CGGBP1: variants seen among roughly 807,000 people sequenced by gnomAD.
CGGBP1 encodes CGG triplet repeat-binding protein 1.
In CGGBP1, 4 loss-of-function variants were observed where a neutral mutation model predicts 11.4. That is an observed-to-expected ratio of 0.35 (90% confidence interval 0.17 to 0.80). CGGBP1 has a LOEUF of 0.80. CGGBP1 is among the 30% of genes least tolerant of loss of function. CGGBP1 has a pLI of 0.52. For synonymous variants in CGGBP1, 76 were observed against 74.1 expected, an observed-to-expected ratio of 1.03 and a Z score of -0.13; for missense variants, 135 against 202.1, an observed-to-expected ratio of 0.67 and a Z score of 2.01.
chr3:88,093,284 T>C (rs1235943303), intron 2 of CGGBP1, among the ~76,000 whole-genome samples: 2 of 152,188 alleles, frequency 1.3e-5, no homozygotes, highest in African/African-American at 2.4e-5. Flanking sequence ...TGAAACTAAG[T>C]GGACTTTCAG....
intron 2 of CGGBP1, among the ~76,000 whole-genome samples, chr3:88,067,473 G>A (rs1286550533): frequency 6.6e-6 from 1 of 152,152 alleles, no homozygotes; most frequent in Non-Finnish European, 1.5e-5. Flanking sequence ...GGGAGAGAAA[G>A]TAGACTAGGA....
In CGGBP1 at chr3:88,055,587, T is replaced by C. The variant is rs757885153; in HGVS notation, c.390A>G (p.Leu130=). ...KADHPAVRAF[L]SRHVKNGGSI... The stretch of plus-strand genomic sequence containing the variant: ...AGCCTCCATTCTTCACATGGCGAGA[T>C]AGGAAAGCACGGACTGCTGGGTGAT... The change falls in exon 4 of 4, where the codon CTA becomes CTG. Residue 130 remains leucine (L), a synonymous_variant. Coordinates refer to ENST00000482016, the MANE Select transcript of CGGBP1 (RefSeq NM_001008390.2). This position sits in a 1 kb window ranked among gnomAD's most constrained non-coding sequence, Gnocchi z 4.2. The C allele has an allele frequency of 7.4e-6, 12 of 1,612,374 alleles. No individual in the cohort carries two copies. The highest frequency in any genetic ancestry group is 2.7e-5 in the African/African-American group (2 of 74,876).
At chr3:88,119,346 G>A (rs1333310748) in intron 2 of CGGBP1, among the ~76,000 whole-genome samples, 3 of 123,212 alleles carry the variant, frequency 2.4e-5, no homozygotes, top group African/African-American at 6.2e-5. Flanking sequence ...GAGAACACAT[G>A]GACATAGGAA....
intron 2 of CGGBP1, among the ~76,000 whole-genome samples, chr3:88,124,943 C>T (rs1180121480): frequency 2.6e-5 from 4 of 152,054 alleles, no homozygotes; most frequent in African/African-American, 4.8e-5. Flanking sequence ...TGGCCAGACA[C>T]GGTGGCTCAC....
intron 1 of CGGBP1, among the ~76,000 whole-genome samples, chr3:88,148,026 C>T (rs1019559291): frequency 1.3e-5 from 2 of 152,200 alleles, no homozygotes; most frequent in Non-Finnish European, 2.9e-5. Context: ...CTTGCTCAAA[C>T]GGGCTCCAGT....
intron 1 of CGGBP1, 106 bp from the exon 2 acceptor site, chr3:88,058,329 A>AAAAT (rs1706623387): frequency 6.6e-6 from 1 of 152,276 alleles, no homozygotes; most frequent in African/African-American, 2.4e-5. Flanking sequence ...AGGTGTTTCT[A>AAAAT]AAATCACTTT....
intron 2 of CGGBP1, among the ~76,000 whole-genome samples, chr3:88,121,544 G>T (rs1320926223): frequency 6.6e-6 from 1 of 151,810 alleles, no homozygotes; most frequent in Non-Finnish European, 1.5e-5. Flanking sequence ...GAAAATACCA[G>T]GTAAATATTC....
chr3:88,091,500 T>G (rs1184573752), intron 2 of CGGBP1, among the ~76,000 whole-genome samples: 1 of 152,212 alleles, frequency 6.6e-6, no homozygotes, highest in Non-Finnish European at 1.5e-5. Flanking sequence ...AACTTTAGTG[T>G]TATGTGAAAA....
intron 2 of CGGBP1, among the ~76,000 whole-genome samples, chr3:88,101,492 T>G (rs554683372): frequency 3.9e-5 from 6 of 152,210 alleles, no homozygotes; most frequent in African/African-American, 7.2e-5. Flanking sequence ...AATAATGTTC[T>G]TGAGGTTTAC....
At chr3:88,097,343 T>A (rs1704123225) in intron 2 of CGGBP1, among the ~76,000 whole-genome samples, 1 of 152,014 alleles carries the variant, frequency 6.6e-6, no homozygotes, top group South Asian at 2.1e-4. Context: ...GAACCAGTTT[T>A]CTCACACCTT....
At chr3:88,112,057 G>T (rs1705123943) in intron 2 of CGGBP1, among the ~76,000 whole-genome samples, 1 of 151,806 alleles carries the variant, frequency 6.6e-6, no homozygotes, top group African/African-American at 2.4e-5. Context: ...ATATTTTTCA[G>T]TGTATCAGTT....
At chr3:88,076,737 C>A (rs144523534) in intron 2 of CGGBP1, among the ~76,000 whole-genome samples, 141 of 152,162 alleles carry the variant, frequency 9.3e-4, no homozygotes, top group Admixed American at 1.7e-3. Context: ...ATATTTATGA[C>A]GGAAGCATTT....
intron 2 of CGGBP1, among the ~76,000 whole-genome samples, chr3:88,077,506 G>A (rs1378873738): frequency 1.8e-5 from 1 of 55,202 alleles, no homozygotes; most frequent in Non-Finnish European, 5.5e-5. Context: ...CTAATTTTTT[G>A]TGATTTTTTT....
chr3:88,058,855 C>A lies in CGGBP1; in HGVS notation c.-371G>T. On this transcript the variant is annotated 5_prime_UTR_variant, in exon 1 of 4. Transcript: ENST00000482016. ...GCCGTTAGGGAAAGTGGACGAGGCC[C>A]GGCCGGAAAGGAAAAGAAAAGGAAG... 1 of 156,330 alleles carries A rather than the reference C, an allele frequency of 6.4e-6. No homozygotes were observed. The highest frequency in any genetic ancestry group is 1.4e-5 in the Non-Finnish European group (1 of 70,746). 9.7% of individuals were successfully genotyped at this position (156,330 alleles called of 1,614,324 possible). A position where few individuals can be genotyped will look rare whatever the true frequency, so the allele number is the denominator to read the frequency against.
At chr3:88,125,983 G>A (rs890778634) in intron 2 of CGGBP1, 29 of 720,048 alleles carry the variant, frequency 4.0e-5, no homozygotes, top group East Asian at 1.2e-4. Flanking sequence ...ATGGGGTTTC[G>A]ACACCCTACT....
chr3:88,104,892 A>C (rs1483816634), intron 2 of CGGBP1, among the ~76,000 whole-genome samples: 2 of 152,236 alleles, frequency 1.3e-5, no homozygotes, highest in Non-Finnish European at 2.9e-5. Context: ...TAATCCCAGC[A>C]CTTTGGAAGG....
chr3:88,070,563 GTTTTT>G (rs67079285), intron 2 of CGGBP1, among the ~76,000 whole-genome samples: 1 of 111,328 alleles, frequency 9.0e-6, no homozygotes, highest in African/African-American at 4.2e-5. Context: ...AACACTGCCT[GTTTTT>G]TTTTTTTTTT....
chr3:88,145,592 CAAGAT>C (rs1344791501), intron 1 of CGGBP1, among the ~76,000 whole-genome samples: 1 of 151,978 alleles, frequency 6.6e-6, no homozygotes. Context: ...AATAGGCTTC[CAAGAT>C]AACCAAATTA....
chr3:88,067,667 C>A (rs1471040406), intron 2 of CGGBP1, among the ~76,000 whole-genome samples: 4 of 152,152 alleles, frequency 2.6e-5, no homozygotes, highest in Admixed American at 2.0e-4. Context: ...ACTGGCATTG[C>A]AAACTGTTGA....
Sources: gnomAD v4.1 joint callset for allele counts (sites outside exome capture counted in the v4.1 genomes callset) on GRCh38, gnomAD v4.1.1 for gene constraint, Gnocchi (gnomAD v3.1) non-coding constraint, MANE v1.5 for transcripts, NCBI Gene and HGNC (gene_info 2026-07-23, HGNC 2026-07-21) for gene names.